Variants in NR6A1 observed in about 807,000 individuals in gnomAD.
NR6A1 encodes retinoic acid receptor-related testis-associated receptor.
Under a neutral mutation model 59.1 loss-of-function variants are expected in NR6A1, and 7 were observed. The ratio of observed to expected loss-of-function variants is 0.12; its 90% CI spans 0.07 to 0.22. The LOEUF is 0.22. NR6A1 is among the 10% of genes least tolerant of loss of function. NR6A1 has a pLI of 1.00. For synonymous variants in NR6A1, 243 were observed against 236.1 expected (o/e 1.03, Z -0.27); for missense variants, 468 against 611.6 (o/e 0.77, Z 2.48).
At chr9:124,618,814 C>A (rs1564203857) in intron 2 of NR6A1, among the ~76,000 whole-genome samples, 1 of 152,174 alleles carries the variant, frequency 6.6e-6, no homozygotes, top group Non-Finnish European at 1.5e-5. Context: ...GCCCACACTA[C>A]AGTCATAATA....
intron 7 of NR6A1, among the ~76,000 whole-genome samples, chr9:124,534,425 T>C (rs1833192541): frequency 6.6e-6 from 1 of 152,176 alleles, no homozygotes; most frequent in African/African-American, 2.4e-5. Flanking sequence ...GCAGATCATC[T>C]GTCTTGATTT....
rs1156339099 is a variant in NR6A1 at position 124,716,350 on chromosome 9, TA to T, written c.142+16957del. Among the ~76,000 whole-genome samples the T allele has an allele frequency of 1.2e-4, 19 of 152,184 alleles. 1 individual carries two copies. The highest frequency in any genetic ancestry group is 1.2e-3 in the Admixed American group (19 of 15,284). On this transcript the variant is annotated intron_variant, in intron 2 of 9. Transcript: ENST00000487099. ...TTATTATAGACATAGATGTAAAAGC[TA>T]AAATAATACTGTTTCTAGTAGAAAA...
At chr9:124,582,678 G>A (rs963723571) in intron 2 of NR6A1, among the ~76,000 whole-genome samples, 3 of 152,108 alleles carry the variant, frequency 2.0e-5, no homozygotes, top group African/African-American at 7.2e-5. Context: ...CTTGAGGCCA[G>A]GAATTTGAGA....
At chr9:124,605,756 TG>T (rs746442312) in intron 2 of NR6A1, among the ~76,000 whole-genome samples, 3 of 152,192 alleles carry the variant, frequency 2.0e-5, no homozygotes, top group Non-Finnish European at 4.4e-5. Context: ...CCTTCGATGA[TG>T]GTTGTTGAGG....
chr9:124,552,365 C>T (rs141672795), intron 3 of NR6A1, among the ~76,000 whole-genome samples: 17 of 152,210 alleles, frequency 1.1e-4, no homozygotes, highest in Middle Eastern at 3.4e-3. Context: ...GAAAAGATCT[C>T]CAAGTAGAGG....
At chr9:124,724,556 C>A (rs968220696) in intron 2 of NR6A1, among the ~76,000 whole-genome samples, 4 of 151,286 alleles carry the variant, frequency 2.6e-5, no homozygotes, top group Middle Eastern at 3.2e-3. Flanking sequence ...AAAATTCAAT[C>A]TTCAACTTTG....
chr9:124,720,687 G>A (rs1839537452), intron 2 of NR6A1, among the ~76,000 whole-genome samples: 1 of 152,160 alleles, frequency 6.6e-6, no homozygotes, highest in Non-Finnish European at 1.5e-5. Context: ...GGCAAAGAGT[G>A]GTCCCGGTTG....
At chr9:124,709,357 C>T (rs1280075072) in intron 2 of NR6A1, among the ~76,000 whole-genome samples, 1 of 152,170 alleles carries the variant, frequency 6.6e-6, no homozygotes, top group Non-Finnish European at 1.5e-5. Flanking sequence ...TGGGCTTATA[C>T]TCCTTCCTAA....
chr9:124,608,162 T>G (rs1249201552), intron 2 of NR6A1, among the ~76,000 whole-genome samples: 1 of 152,214 alleles, frequency 6.6e-6, no homozygotes, highest in East Asian at 1.9e-4. Flanking sequence ...TTTATTTTTA[T>G]TTTACGTTTC....
At chr9:124,624,246 G>C (rs947616448) in intron 2 of NR6A1, among the ~76,000 whole-genome samples, 1 of 152,198 alleles carries the variant, frequency 6.6e-6, no homozygotes, top group African/African-American at 2.4e-5. Flanking sequence ...ATGATGATAA[G>C]TTCTATCGTT....
intron 2 of NR6A1, among the ~76,000 whole-genome samples, chr9:124,636,286 A>G (rs1415803663): frequency 1.3e-5 from 2 of 152,024 alleles, no homozygotes; most frequent in Non-Finnish European, 1.5e-5. Context: ...TGAGTTTTAA[A>G]GGTTCTTTAG....
chr9:124,729,631 G>C (rs1224928834), intron 2 of NR6A1, among the ~76,000 whole-genome samples: 3 of 152,212 alleles, frequency 2.0e-5, no homozygotes, highest in East Asian at 1.9e-4. Context: ...ATTAACATAG[G>C]AGATGTTATT....
chr9:124,764,509 G>T (rs574796849), intron 1 of NR6A1, among the ~76,000 whole-genome samples: 1 of 152,156 alleles, frequency 6.6e-6, no homozygotes, highest in African/African-American at 2.4e-5. Context: ...TCTATGAAAT[G>T]TAAGGAGGAA....
chr9:124,728,320 C>T (rs1484175366), intron 2 of NR6A1, among the ~76,000 whole-genome samples: 1 of 151,820 alleles, frequency 6.6e-6, no homozygotes, highest in East Asian at 2.0e-4. Flanking sequence ...TGAGCCACCG[C>T]GCCCAGCCAT....
intron 2 of NR6A1, among the ~76,000 whole-genome samples, chr9:124,672,333 T>C (rs1402686158): frequency 1.3e-5 from 2 of 152,142 alleles, no homozygotes; most frequent in Admixed American, 1.3e-4. Flanking sequence ...ATGGAATTGC[T>C]TGGCTGGACA....
chr9:124,640,078 T>G (rs1191164173), intron 2 of NR6A1, among the ~76,000 whole-genome samples: 1 of 152,176 alleles, frequency 6.6e-6, no homozygotes, highest in African/African-American at 2.4e-5. Flanking sequence ...AAAAAACATA[T>G]GGAAGCGCTG....
intron 7 of NR6A1, among the ~76,000 whole-genome samples, chr9:124,528,598 G>A (rs1312694438): frequency 6.6e-6 from 1 of 152,056 alleles, no homozygotes; most frequent in East Asian, 1.9e-4. Flanking sequence ...CTACTCGGGA[G>A]GCTGAGGTGG....
At chr9:124,596,384 C>G (rs183275806) in intron 2 of NR6A1, among the ~76,000 whole-genome samples, 1 of 152,076 alleles carries the variant, frequency 6.6e-6, no homozygotes, top group Admixed American at 6.6e-5. Context: ...GCAAATTCCT[C>G]TAAGAAAATT....
intron 1 of NR6A1, among the ~76,000 whole-genome samples, chr9:124,770,482 G>T (rs558628981): frequency 6.6e-6 from 1 of 151,680 alleles, no homozygotes; most frequent in African/African-American, 2.4e-5. Flanking sequence ...GGGTGCTGTG[G>T]AGTCGGGTCA....
Sources: allele counts gnomAD v4.1 joint callset (sites outside exome capture counted in the v4.1 genomes callset), GRCh38; gene constraint gnomAD v4.1.1; transcripts MANE v1.5; gene names NCBI Gene and HGNC (gene_info 2026-07-23, HGNC 2026-07-21).